IL1RL2: variants seen among roughly 807,000 people sequenced by gnomAD.
The protein encoded by IL1RL2 is interleukin 1 receptor like 2.
Under a neutral mutation model 66.8 loss-of-function variants are expected in IL1RL2, and 68 were observed. That is an observed-to-expected ratio of 1.02 (90% CI 0.84 to 1.25). The LOEUF is 1.25. Among genes scored for constraint, IL1RL2 ranks in the 50% most tolerant of loss-of-function variants. The pLI is 0.00. For missense variants in IL1RL2, 729 were observed against 709.3 expected (o/e 1.03, Z -0.32); for synonymous variants, 305 against 264.6 (o/e 1.15, Z -1.48).
chr2:102,241,968 A>C (rs914434794), downstream of IL1RL2, among the ~76,000 whole-genome samples: 1 of 152,246 alleles, frequency 6.6e-6, no homozygotes, highest in Non-Finnish European at 1.5e-5. Flanking sequence ...AATCCAGTGC[A>C]GGGAGTGGTG....
chr2:102,234,328 C>A (rs1277805648), intron 10 of IL1RL2, among the ~76,000 whole-genome samples: 1 of 152,004 alleles, frequency 6.6e-6, no homozygotes, highest in Non-Finnish European at 1.5e-5. Flanking sequence ...ACTTGTTGGC[C>A]AGGGAAAGTG....
chr2:102,195,595 TTC>T (rs1487170337), intron 4 of IL1RL2, among the ~76,000 whole-genome samples: 2 of 17,674 alleles, frequency 1.1e-4, no homozygotes, highest in African/African-American at 3.3e-4. Context: ...CTTTCTTTCT[TTC>T]TTTCTTTCTT....
chr2:102,216,204 C>A (rs1252347130), intron 6 of IL1RL2, among the ~76,000 whole-genome samples: 2 of 152,046 alleles, frequency 1.3e-5, no homozygotes, highest in Admixed American at 6.5e-5. Context: ...TAAAAAAGAA[C>A]CAAAGAGAAG....
intron 7 of IL1RL2, among the ~76,000 whole-genome samples, chr2:102,219,423 A>G (rs1419133686): frequency 1.3e-5 from 2 of 152,258 alleles, no homozygotes; most frequent in Non-Finnish European, 2.9e-5. Flanking sequence ...AAATAGTAGT[A>G]TAGTTCTTTG....
At position 102,226,027 on chromosome 2, in the gene IL1RL2, C is replaced by T; in HGVS notation, c.1121C>T (p.Thr374Ile). Reference protein sequence around the residue: ...VLWYRSAFHSTETIVDGKLYD... With the variant: ...VLWYRSAFHSIETIVDGKLYD... ...TGGTATCGAAGTGCCTTCCATTCTA[C>T]AGAGACCATAGTAGGTAAGTGTGTG... The change falls in exon 9 of 12, where the codon ACA becomes ATA. Residue 374 changes from threonine to isoleucine, a missense_variant. Coordinates refer to ENST00000264257, the MANE Select transcript of IL1RL2 (RefSeq NM_003854.4). 6.2e-7 allele frequency: 1 copy of T among 1,600,200 alleles called. No individual in the cohort carries two copies. Among genetic ancestry groups the T allele is most frequent in the Non-Finnish European group, 8.5e-7 (1 of 1,173,530 alleles).
chr2:102,238,492 C>G (rs1675064548), intron 11 of IL1RL2, among the ~76,000 whole-genome samples: 1 of 152,208 alleles, frequency 6.6e-6, no homozygotes, highest in Admixed American at 6.5e-5. Context: ...CCCCAGGGCC[C>G]CCCACACCCA....
chr2:102,224,661 G>A (rs1181954967), intron 8 of IL1RL2, among the ~76,000 whole-genome samples: 3 of 152,078 alleles, frequency 2.0e-5, no homozygotes, highest in Non-Finnish European at 2.9e-5. Context: ...GTGTTTGGTA[G>A]CACAACAAAA....
chr2:102,238,311 G>C (rs1317515405), intron 11 of IL1RL2, among the ~76,000 whole-genome samples: 1 of 152,194 alleles, frequency 6.6e-6, no homozygotes, highest in Non-Finnish European at 1.5e-5. Context: ...GCTCATGAGA[G>C]AGGCCCTGGG....
chr2:102,235,335 G>T (rs751907553), intron 11 of IL1RL2, 58 bp downstream of exon 11: 9 of 1,566,744 alleles, frequency 5.7e-6, no homozygotes, highest in Non-Finnish European at 7.8e-6. Context: ...CTATCATTGC[G>T]TGGTGGCTCA....
chr2:102,226,890 G>A (rs920964233), intron 9 of IL1RL2, among the ~76,000 whole-genome samples: 11 of 152,336 alleles, frequency 7.2e-5, no homozygotes, highest in Non-Finnish European at 1.3e-4. Context: ...AGCATTCAGC[G>A]GGGCCTGGGC....
chr2:102,204,572 G>A (rs1250569700), intron 5 of IL1RL2, among the ~76,000 whole-genome samples: 3 of 151,926 alleles, frequency 2.0e-5, no homozygotes, highest in African/African-American at 2.4e-5. Flanking sequence ...TCAGTGTTGG[G>A]TGTTATATCC....
At chr2:102,215,986 A>G (rs1218956403) in intron 6 of IL1RL2, among the ~76,000 whole-genome samples, 1 of 152,258 alleles carries the variant, frequency 6.6e-6, no homozygotes, top group Non-Finnish European at 1.5e-5. Flanking sequence ...ATGAAAAAAC[A>G]GGAAACATGA....
chr2:102,207,741 G>A (rs2310239), intron 5 of IL1RL2, among the ~76,000 whole-genome samples: 42,606 of 151,972 alleles, frequency 0.28, 6,604 homozygotes, highest in East Asian at 0.38. Context: ...GGCTGCCCTA[G>A]ATGGGAATAC....
intron 5 of IL1RL2, among the ~76,000 whole-genome samples, chr2:102,211,784 A>G (rs1258452090): frequency 6.6e-6 from 1 of 152,212 alleles, no homozygotes; most frequent in Non-Finnish European, 1.5e-5. Context: ...CACTGCCTGC[A>G]AAGTGTTTTT....
At chr2:102,208,304 T>C (rs534056361) in intron 5 of IL1RL2, among the ~76,000 whole-genome samples, 80 of 152,344 alleles carry the variant, frequency 5.3e-4, no homozygotes, top group African/African-American at 1.6e-3. Flanking sequence ...TGCCATCTTG[T>C]TCCACATTCT....
chr2:102,220,869 C>A (rs1690062361), intron 8 of IL1RL2, among the ~76,000 whole-genome samples: 1 of 152,190 alleles, frequency 6.6e-6, no homozygotes, highest in South Asian at 2.1e-4. Context: ...ATGGAGTTAG[C>A]AATCGTGCCT....
At chr2:102,228,871 G>A (rs572169490) in intron 9 of IL1RL2, among the ~76,000 whole-genome samples, 1 of 151,856 alleles carries the variant, frequency 6.6e-6, no homozygotes, top group South Asian at 2.1e-4. Context: ...ATTTCCAAAG[G>A]CAGATTTTTT....
At chr2:102,209,793 A>T (rs370357636) in intron 5 of IL1RL2, among the ~76,000 whole-genome samples, 28 of 152,286 alleles carry the variant, frequency 1.8e-4, no homozygotes, top group African/African-American at 6.7e-4. Context: ...TAGGAGGCTG[A>T]TAAAATATCC....
chr2:102,236,301 G>C lies in IL1RL2; in HGVS notation c.1678+1024G>C, dbSNP rs563614046. Among the ~76,000 whole-genome samples the C allele has an allele frequency of 1.4e-4, 21 of 152,284 alleles. No individual in the cohort carries two copies. The South Asian group carries it at 4.3e-3, about 32-fold the overall frequency. ...AGTCAGCCCTGAGAGCCAGCCGGCA[G>C]GGGCGAGAGAGGGAGCCAGAGGGTG... On this transcript the variant is annotated intron_variant, in intron 11 of 11. Transcript: ENST00000264257.
Sources: allele counts gnomAD v4.1 joint callset (sites outside exome capture counted in the v4.1 genomes callset), GRCh38; gene constraint gnomAD v4.1.1; transcripts MANE v1.5; gene names NCBI Gene and HGNC (gene_info 2026-07-23, HGNC 2026-07-21).